Variants in NUDT22 observed in about 807,000 individuals in gnomAD.
NUDT22 encodes the protein nudix hydrolase 22, also known as uridine diphosphate glucose pyrophosphatase NUDT22.
A neutral mutation model predicts 28.8 loss-of-function variants in NUDT22; 23 were observed. That is an observed-to-expected ratio of 0.80 (90% CI 0.58 to 1.13). The LOEUF (loss-of-function observed/expected upper bound fraction) is 1.13. Among genes scored for constraint, NUDT22 ranks in the 50% most tolerant of loss-of-function variants. The probability of loss-of-function intolerance (pLI) is 0.00; values close to 1 mark genes in which losing one functional copy is unlikely to be tolerated. For missense variants in NUDT22, 358 were observed against 387.3 expected (o/e 0.92, Z 0.64); for synonymous variants, 175 against 173.7 (o/e 1.01, Z -0.06).
At position 64,229,343 on chromosome 11, in the gene NUDT22, C is replaced by A. The variant is rs1330532599; in HGVS notation, c.676C>A (p.Gln226Lys). The change falls in exon 4 of 6, where the codon CAG becomes AAG. Residue 226 changes from glutamine (Q) to lysine (K), a missense_variant and splice_region_variant. Physicochemically the swap from Gln to Lys is moderately conservative, Grantham distance 53. Coordinates refer to ENST00000279206, the MANE Select transcript of NUDT22 (RefSeq NM_032344.4). ...AGRASAEFYV[Q>K]CSLTSEQVRK... ...CCGAGCCAGTGCCGAGTTCTATGTC[C>A]AGTGAGTAGGCTCGGGTACATGATC... The A allele has an allele frequency of 1.2e-6, 2 of 1,612,708 alleles. No homozygotes were observed. Among genetic ancestry groups the A allele is most frequent in the African/African-American group, 2.7e-5 (2 of 75,042 alleles).
At position 64,227,455 on chromosome 11, in the gene NUDT22, C is replaced by T. The variant is rs780275341; in HGVS notation, c.481-113C>T. 26 of 839,880 alleles carry T rather than the reference C, an allele frequency of 3.1e-5. No homozygotes were observed. The South Asian group carries it at 3.2e-4, about 10-fold the overall frequency. 52.0% of individuals were successfully genotyped at this position (839,880 alleles called of 1,614,324 possible). ...GACACCAGACTCAGGATCACTAACT[C>T]TCTTACACTGTGCCACATCAGACCC... On this transcript the variant is annotated intron_variant, in intron 2 of 5. Coordinates refer to ENST00000279206, the MANE Select transcript of NUDT22 (RefSeq NM_032344.4).
chr11:64,227,374 C>T (rs995330419), intron 2 of NUDT22, 194 bp from the exon 3 acceptor site: 2 of 724,098 alleles, frequency 2.8e-6, no homozygotes, highest in East Asian at 2.7e-5. Flanking sequence ...CTACTCCACC[C>T]CTGCCCCCTG....
chr11:64,230,207 C>T (rs1947152572), downstream of NUDT22: 1 of 694,236 alleles, frequency 1.4e-6, no homozygotes, highest in South Asian at 1.5e-5. Flanking sequence ...GGAAGCAGCT[C>T]CGTAAGATAT....
downstream of NUDT22, chr11:64,230,098 A>G (rs1310113928): frequency 1.7e-6 from 2 of 1,176,680 alleles, no homozygotes; most frequent in South Asian, 2.7e-5. Flanking sequence ...ACTTGGGAAA[A>G]AAAAAAAAAA....
intron 4 of NUDT22, 26 bp downstream of exon 4, chr11:64,229,370 T>G (rs765999942): frequency 3.1e-6 from 5 of 1,612,148 alleles, no homozygotes; most frequent in Non-Finnish European, 4.2e-6. Context: ...TACATGATCC[T>G]GGGTCTTGGG....
In NUDT22 at chr11:64,226,740, G is replaced by A. The variant is rs201978860; in HGVS notation, c.88G>A (p.Asp30Asn). The A allele has an allele frequency of 1.2e-6, 2 of 1,610,484 alleles. No individual in the cohort carries two copies. Among genetic ancestry groups the A allele is most frequent in the Non-Finnish European group, 1.7e-6 (2 of 1,179,954 alleles). The stretch of plus-strand genomic sequence containing the variant: ...ACAGGCCGAGCTGAGCCCCGCCCAT[G>A]ACCGTCGCCCACTGCCAGGTGGGGA... ...QIQAELSPAH[D>N]RRPLPGGDEA... Residue 30 changes from aspartate to asparagine, a missense_variant, in exon 2 of 6, where the codon GAC (aspartate) becomes AAC (asparagine). Physicochemically the swap from Asp to Asn is conservative, Grantham distance 23. Transcript: ENST00000279206.
intron 3 of NUDT22, chr11:64,229,021 T>C (rs1947123287): frequency 3.9e-6 from 2 of 515,058 alleles, no homozygotes; most frequent in African/African-American, 1.9e-5. Context: ...AGTCACTAAA[T>C]TGACTTCTCT....
chr11:64,226,911 T>C lies in NUDT22; in HGVS notation c.259T>C (p.Tyr87His), dbSNP rs1419143658. 4.4e-6 allele frequency: 7 copies of C among 1,602,434 alleles called. No individual in the cohort carries two copies. The African/African-American group carries it at 5.3e-5, about 12-fold the overall frequency. The change falls in exon 2 of 6, where the codon TAC becomes CAC. Residue 87 changes from tyrosine (Y) to histidine (H), a missense_variant. Physicochemically the swap from Tyr to His is moderately conservative, Grantham distance 83. Transcript: ENST00000279206. ...GCTCCTGCGCCTGGGCCTTACTTCC[T>C]ACCGAGACTTCCTGGGCACCAACTG... ...QLLLRLGLTSYRDFLGTNWSS... is the reference protein window; with the variant it reads ...QLLLRLGLTSHRDFLGTNWSS...
chr11:64,229,248 T>C lies in NUDT22; in HGVS notation c.581T>C (p.Val194Ala). The C allele has an allele frequency of 6.4e-7, 1 of 1,569,316 alleles. No homozygotes were observed. The highest frequency in any genetic ancestry group is 8.6e-7 in the Non-Finnish European group (1 of 1,156,892). Residue 194 changes from valine (V) to alanine (A), a missense_variant and splice_region_variant, in exon 4 of 6, where the codon GTG becomes GCG. Transcript: ENST00000279206. ...SSVLQEICDEVNLPLLTLSQP... is the reference protein window; with the variant it reads ...SSVLQEICDEANLPLLTLSQP... ...CCCCCACCCCACCCTCCACCGCAGG[T>C]GAACCTGCCGCTGCTCACCCTGAGC...
intron 3 of NUDT22, 183 bp downstream of exon 3, chr11:64,227,849 G>T: frequency 1.7e-6 from 1 of 594,348 alleles, no homozygotes. Flanking sequence ...CTCTGCCTTG[G>T]ATTCTTCTTC....
chr11:64,226,948 C>T lies in NUDT22; in HGVS notation c.296C>T (p.Ala99Val). ...DFLGTNWSSS[A>V]AWLRQQGATD... is the part of the protein sequence containing the mutation. ...CTGGGCACCAACTGGTCCAGCTCAG[C>T]TGCCTGGCTGCGACAGCAGGGTGCC... Residue 99 changes from alanine to valine, a missense_variant, in exon 2 of 6, where the codon GCT (alanine) becomes GTT (valine). By Grantham distance (64) the Ala-to-Val change is moderately conservative. Transcript: ENST00000279206. 6.2e-7 allele frequency: 1 copy of T among 1,602,388 alleles called. No individual in the cohort carries two copies. Among genetic ancestry groups the T allele is most frequent in the Non-Finnish European group, 8.5e-7 (1 of 1,179,934 alleles).
chr11:64,230,213 G>C, downstream of NUDT22: 1 of 684,624 alleles, frequency 1.5e-6, no homozygotes, highest in Non-Finnish European at 2.7e-6. Flanking sequence ...AGCTCCGTAA[G>C]ATATACCTCG....
At chr11:64,230,162 C>G (rs1313013797), downstream of NUDT22, 5 of 808,196 alleles carry the variant, frequency 6.2e-6, no homozygotes, top group East Asian at 2.7e-5. Context: ...AACTGTGCCT[C>G]CCTTTCTTTG....
intron 1 of NUDT22, 71 bp from the exon 2 acceptor site, chr11:64,226,564 G>C: frequency 6.7e-7 from 1 of 1,501,828 alleles, no homozygotes; most frequent in Non-Finnish European, 8.8e-7. Context: ...TGCGACAGAG[G>C]GGGCTAGCTG....
In NUDT22 at chr11:64,229,943, C is replaced by T. The variant is rs146389063; in HGVS notation, c.865C>T (p.Pro289Ser). Residue 289 changes from proline (P) to serine (S), a missense_variant, in exon 6 of 6, where the codon CCC becomes TCC. Physicochemically the swap from Pro to Ser is moderately conservative, Grantham distance 74. Transcript: ENST00000279206. ...CCTCTACAACCGGGTTCAGGGAAGTCCCACTGGAGCGGCCCTAGGGTCCCC... is the reference window on the plus strand; with the variant it reads ...CCTCTACAACCGGGTTCAGGGAAGTTCCACTGGAGCGGCCCTAGGGTCCCC... Reference protein sequence around the residue: ...IILYNRVQGSPTGAALGSPAL... With the variant: ...IILYNRVQGSSTGAALGSPAL... The T allele has an allele frequency of 4.6e-4, 745 of 1,613,274 alleles. 7 individuals carry two copies. The highest frequency in any genetic ancestry group is 9.9e-5 in the Non-Finnish European group (117 of 1,180,008).
rs1947075627 is a variant in NUDT22 at position 64,227,619 on chromosome 11, G to T, written c.532G>T (p.Val178Leu). The T allele has an allele frequency of 3.7e-6, 6 of 1,613,986 alleles. No individual in the cohort carries two copies. Among genetic ancestry groups the T allele is most frequent in the Non-Finnish European group, 5.1e-6 (6 of 1,180,020 alleles). The change falls in exon 3 of 6, where the codon GTG (valine) becomes TTG (leucine). Residue 178 changes from valine to leucine, a missense_variant. Coordinates refer to ENST00000279206, the MANE Select transcript of NUDT22 (RefSeq NM_032344.4). The stretch of plus-strand genomic sequence containing the variant: ...GCACCAGGACCTCGCTGGGCAGCTG[G>T]TGGTACATGAACTCTTTTCCAGTGT... ...PQHQDLAGQL[V>L]VHELFSSVLQ...
intron 3 of NUDT22, chr11:64,227,945 C>A: frequency 2.8e-6 from 1 of 354,052 alleles, no homozygotes; most frequent in South Asian, 2.7e-5. Flanking sequence ...TCTCTGCTCA[C>A]TGCAAGCTCC....
At position 64,226,792 on chromosome 11, in the gene NUDT22, C is replaced by T. The variant is rs1483170670; in HGVS notation, c.140C>T (p.Thr47Ile). Reference sequence around the variant, plus strand: ...GAGGCCATCACTGCCATCTGGGAGACCCGGCTAAAGGCCCAACCCTGGCTC... The same window carrying T: ...GAGGCCATCACTGCCATCTGGGAGATCCGGCTAAAGGCCCAACCCTGGCTC... ...GDEAITAIWE[T>I]RLKAQPWLFD... The change falls in exon 2 of 6, where the codon ACC (threonine) becomes ATC (isoleucine). Residue 47 changes from threonine to isoleucine, a missense_variant. Coordinates refer to ENST00000279206, the MANE Select transcript of NUDT22 (RefSeq NM_032344.4). The T allele has an allele frequency of 3.1e-6, 5 of 1,610,508 alleles. No homozygotes were observed. Among genetic ancestry groups the T allele is most frequent in the Non-Finnish European group, 4.2e-6 (5 of 1,179,926 alleles).
intron 5 of NUDT22, 91 bp from the exon 6 acceptor site, chr11:64,229,759 G>GC: frequency 1.3e-6 from 2 of 1,541,990 alleles, no homozygotes; most frequent in Non-Finnish European, 1.8e-6. Flanking sequence ...TAAGGACAGT[G>GC]CAGAGGTCTC....
Sources: allele counts gnomAD v4.1 joint callset, GRCh38; gene constraint gnomAD v4.1.1; transcripts MANE v1.5; gene names NCBI Gene and HGNC (gene_info 2026-07-23, HGNC 2026-07-21).